The following CYFIP1 variants were observed in gnomAD, a reference collection of about 807,000 sequenced individuals.
CYFIP1 encodes cytoplasmic FMR1-interacting protein 1.
A neutral mutation model predicts 163.5 loss-of-function variants in CYFIP1; 58 were observed. The ratio of observed to expected loss-of-function variants is 0.35; its 90% confidence interval spans 0.29 to 0.44. The LOEUF (loss-of-function observed/expected upper bound fraction) is 0.44. Ranked by LOEUF, CYFIP1 falls within the 20% of genes least tolerant of loss-of-function variation. The pLI is 1.00. For synonymous variants in CYFIP1, 663 were observed against 660.7 expected, an observed-to-expected ratio of 1.00 and a Z score of -0.05; for missense variants, 1,338 against 1,653.8, an observed-to-expected ratio of 0.81 and a Z score of 3.31.
chr15:22,873,471 T>C lies in CYFIP1; in HGVS notation c.3449+20A>G. 1.2e-6 allele frequency: 2 copies of C among 1,600,886 alleles called. No individual in the cohort carries two copies. The highest frequency in any genetic ancestry group is 1.7e-6 in the Non-Finnish European group (2 of 1,169,250). The stretch of plus-strand genomic sequence containing the variant: ...CCTCCCCTCCTCTGGGGCTTTGTCC[T>C]GCTCTCAGCACACACTTACTCGACT... On this transcript the variant is annotated intron_variant, in intron 29 of 30. Coordinates refer to ENST00000617928, the MANE Select transcript of CYFIP1 (RefSeq NM_014608.6).
At position 22,912,252 on chromosome 15, in the gene CYFIP1, AGGTCCAG is replaced by A; in HGVS notation, c.2002_2008del (p.Leu668CysfsTer26). The A allele has an allele frequency of 6.2e-7, 1 of 1,613,630 alleles. No individual in the cohort carries two copies. ...CGCGTAGTGGGCGCTGTCATTGTAC[AGGTCCAG>A]GGAGTAGAGCACGTACCTGCAGAGG... On this transcript the variant is annotated frameshift_variant, in exon 18 of 31. Coordinates refer to ENST00000617928, the MANE Select transcript of CYFIP1 (RefSeq NM_014608.6). LOFTEE classifies it high-confidence loss of function.
chr15:22,874,853 TATTGA>T (rs779649122), intron 27 of CYFIP1, among the ~76,000 whole-genome samples: 5 of 152,176 alleles, frequency 3.3e-5, no homozygotes, highest in Non-Finnish European at 7.3e-5. Context: ...ACTTTTCATT[TATTGA>T]ATATTCCAAA....
intron 13 of CYFIP1, among the ~76,000 whole-genome samples, chr15:22,920,777 A>G (rs1050098228): frequency 6.6e-6 from 1 of 152,212 alleles, no homozygotes; most frequent in African/African-American, 2.4e-5. Context: ...TCCTAATGCC[A>G]TGCTTGTGTT....
chr15:22,955,964 TCCCA>T (rs2062435787), intron 1 of CYFIP1, among the ~76,000 whole-genome samples: 1 of 152,146 alleles, frequency 6.6e-6, no homozygotes, highest in African/African-American at 2.4e-5. Flanking sequence ...ACTTCTCTAA[TCCCA>T]GCACTTTGGG....
chr15:22,951,351 CCT>C, intron 1 of CYFIP1: 2 of 1,213,584 alleles, frequency 1.6e-6, no homozygotes, highest in East Asian at 6.3e-5. Context: ...GTTCCACACA[CCT>C]CAGAAAGGAG....
intron 1 of CYFIP1, among the ~76,000 whole-genome samples, chr15:22,976,358 A>G (rs982677460): frequency 3.3e-5 from 5 of 152,024 alleles, no homozygotes; most frequent in Non-Finnish European, 5.9e-5. Context: ...GGGTTTCACT[A>G]TGTTGGCCAG....
intron 22 of CYFIP1, among the ~76,000 whole-genome samples, chr15:22,899,107 G>T (rs999906033): frequency 1.3e-5 from 2 of 152,072 alleles, no homozygotes; most frequent in Non-Finnish European, 2.9e-5. Context: ...CAAAGTGCTA[G>T]GATTACAGGT....
chr15:22,881,787 T>G, intron 25 of CYFIP1, 59 bp downstream of exon 25: 1 of 1,520,290 alleles, frequency 6.6e-7, no homozygotes, highest in Non-Finnish European at 9.0e-7. Flanking sequence ...ATTTCTGACT[T>G]GAATTCCTTT....
chr15:22,877,816 G>T (rs574569354), intron 26 of CYFIP1, among the ~76,000 whole-genome samples: 1 of 152,246 alleles, frequency 6.6e-6, no homozygotes, highest in African/African-American at 2.4e-5. Flanking sequence ...CTGCCTAGGC[G>T]TGCAGGCATA....
At chr15:22,959,160 G>A (rs1210308198) in intron 1 of CYFIP1, among the ~76,000 whole-genome samples, 1 of 152,210 alleles carries the variant, frequency 6.6e-6, no homozygotes. Flanking sequence ...TAGGGATCAG[G>A]CTGGTGGGAG....
chr15:22,973,473 CT>C (rs1239812665), intron 1 of CYFIP1, among the ~76,000 whole-genome samples: 6 of 152,218 alleles, frequency 3.9e-5, no homozygotes, highest in African/African-American at 1.4e-4. Flanking sequence ...CTATTCTGGA[CT>C]TTCCCCCTTG....
chr15:22,882,790 A>G, intron 24 of CYFIP1, 78 bp downstream of exon 24: 1 of 1,518,970 alleles, frequency 6.6e-7, no homozygotes, highest in Non-Finnish European at 9.0e-7. Flanking sequence ...ATCACAGTCC[A>G]GGCAGAGAAG....
chr15:22,950,867 G>A (rs1421391452), intron 1 of CYFIP1, among the ~76,000 whole-genome samples: 1 of 152,316 alleles, frequency 6.6e-6, no homozygotes, highest in Non-Finnish European at 1.5e-5. Context: ...CCATCTCACC[G>A]CCATCTCACG....
intron 6 of CYFIP1, among the ~76,000 whole-genome samples, chr15:22,942,660 A>G (rs2061929004): frequency 6.6e-6 from 1 of 152,110 alleles, no homozygotes; most frequent in African/African-American, 2.4e-5. Context: ...CAGGGAGAGG[A>G]TCTGGAAGCG....
chr15:22,926,155 C>T, intron 12 of CYFIP1, 48 bp from the exon 13 acceptor site: 1 of 1,611,244 alleles, frequency 6.2e-7, no homozygotes, highest in South Asian at 1.1e-5. Flanking sequence ...ATGCAAAACG[C>T]CTGGCTTCTG....
In CYFIP1 at chr15:22,929,849, T is replaced by G. The variant is rs1238338380; in HGVS notation, c.1111-1821A>C. ...TACTCAGAAGGCTGAGGCAGGAGAA[T>G]GGCGTGAACCTGGGAGGCGGAGCTT... On this transcript the variant is annotated intron_variant, in intron 11 of 30. Coordinates refer to ENST00000617928, the MANE Select transcript of CYFIP1 (RefSeq NM_014608.6). Among the ~76,000 whole-genome samples the G allele has an allele frequency of 2.0e-5, 3 of 149,788 alleles. No individual in the cohort carries two copies. The South Asian group carries it at 6.3e-4, about 32-fold the overall frequency.
Position 22,973,625 on chromosome 15 carries a change from G to A in CYFIP1, c.-7+6662C>T, listed in dbSNP as rs572838879. ...TCAGATTCCACATGTGAGTGAGATC[G>A]TGCAGTACTTGTCTTTCTGTGCCTG... On this transcript the variant is annotated intron_variant, in intron 1 of 30. Coordinates refer to ENST00000617928, the MANE Select transcript of CYFIP1 (RefSeq NM_014608.6). 3.9e-5 allele frequency among the ~76,000 whole-genome samples: 6 copies of A among 152,162 alleles called. No individual in the cohort carries two copies. In the South Asian group the frequency reaches 8.3e-4, roughly 21 times the overall value.
At chr15:22,949,555 A>G (rs148456915) in intron 1 of CYFIP1, among the ~76,000 whole-genome samples, 137 of 152,374 alleles carry the variant, frequency 9.0e-4, no homozygotes, top group Non-Finnish European at 1.5e-3. Flanking sequence ...CAGCTCTTCC[A>G]AAGTGCTTGG....
chr15:22,882,292 G>A (rs933906939), intron 24 of CYFIP1, among the ~76,000 whole-genome samples: 1 of 152,192 alleles, frequency 6.6e-6, no homozygotes, highest in Non-Finnish European at 1.5e-5. Context: ...TGTGCTCCTG[G>A]GTGCGGCCCC....
Sources: gnomAD v4.1 joint callset for allele counts (sites outside exome capture counted in the v4.1 genomes callset) on GRCh38, gnomAD v4.1.1 for gene constraint, MANE v1.5 for transcripts, NCBI Gene and HGNC (gene_info 2026-07-23, HGNC 2026-07-21) for gene names.